Variants in GLG1 observed in about 807,000 individuals in gnomAD.
GLG1 encodes the protein golgi glycoprotein 1.
In GLG1, 38 loss-of-function variants were observed where a neutral mutation model predicts 160.5. The ratio of observed to expected loss-of-function variants is 0.24; its 90% CI spans 0.18 to 0.31. The LOEUF (loss-of-function observed/expected upper bound fraction) is 0.31, where lower values mean the gene tolerates loss of function less well. Ranked by LOEUF, GLG1 falls within the 10% of genes least tolerant of loss-of-function variation. The pLI is 1.00. For synonymous variants in GLG1, 644 were observed against 543.4 expected (o/e 1.19, Z -2.57); for missense variants, 1,373 against 1,505.2 (o/e 0.91, Z 1.45).
Position 74,448,505 on chromosome 16 carries a change from T to C in GLG1, c.*4662A>G, listed in dbSNP as rs778649713. The C allele has an allele frequency of 1.3e-5, 2 of 152,144 alleles. No homozygotes were observed. The highest frequency in any genetic ancestry group is 2.9e-5 in the Non-Finnish European group (2 of 68,020). 9.4% of individuals were successfully genotyped at this position (152,144 alleles called of 1,614,324 possible). On this transcript the variant is annotated 3_prime_UTR_variant, in exon 26 of 26. Coordinates refer to ENST00000422840, the MANE Select transcript of GLG1 (RefSeq NM_001145667.2). ...ACAAGTAAATATACCAAAATGCACA[T>C]AATTGAGGCCAAGGTGGGTGGACCA...
Position 74,477,306 on chromosome 16 carries a change from G to C in GLG1, c.1965+90C>G, listed in dbSNP as rs1412380968. The C allele has an allele frequency of 9.2e-6, 9 of 983,014 alleles. No homozygotes were observed. The African/African-American group carries it at 1.3e-4, about 14-fold the overall frequency. The allele number at this position is 983,014 out of a possible 1,614,324, so 60.9% of individuals were successfully genotyped here. A position where few individuals can be genotyped will look rare whatever the true frequency, so the allele number is the denominator to read the frequency against. On this transcript the variant is annotated intron_variant, in intron 12 of 25. Coordinates refer to ENST00000422840, the MANE Select transcript of GLG1 (RefSeq NM_001145667.2). ...AAATCACATCTGTAAGGTAAAGAGA[G>C]ATGGATTTTATGGTGTTTGTACTCT...
At chr16:74,476,215 T>A (rs2143281597) in intron 12 of GLG1, among the ~76,000 whole-genome samples, 1 of 152,230 alleles carries the variant, frequency 6.6e-6, no homozygotes, top group East Asian at 1.9e-4. Flanking sequence ...AAGTTTAGCT[T>A]CTCCATGACG....
rs1328625133 is a variant in GLG1 at position 74,509,741 on chromosome 16, C to T, written c.472-816G>A. Reference sequence around the variant, plus strand: ...GCAGGCGCCTGCAGTCCCAGCTACTCGGGAGACTGAGGCAGGAGAACGGCG... The same window carrying T: ...GCAGGCGCCTGCAGTCCCAGCTACTTGGGAGACTGAGGCAGGAGAACGGCG... On this transcript the variant is annotated intron_variant, in intron 2 of 25. Transcript: ENST00000422840. Among the ~76,000 whole-genome samples, 5 of 151,184 alleles carry T rather than the reference C, an allele frequency of 3.3e-5. No individual in the cohort carries two copies. The South Asian group carries it at 8.4e-4, about 25-fold the overall frequency.
At chr16:74,593,317 T>C (rs1412633137) in intron 1 of GLG1, among the ~76,000 whole-genome samples, 2 of 152,174 alleles carry the variant, frequency 1.3e-5, no homozygotes, top group African/African-American at 2.4e-5. Flanking sequence ...CTTCATGCTA[T>C]TTATCACATT....
At chr16:74,590,790 T>A (rs536880455) in intron 1 of GLG1, among the ~76,000 whole-genome samples, 1 of 121,714 alleles carries the variant, frequency 8.2e-6, no homozygotes, top group South Asian at 2.5e-4. Context: ...AGAGTGAAAC[T>A]GTCTCAAAAA....
chr16:74,599,958 C>T (rs569600972), intron 1 of GLG1, among the ~76,000 whole-genome samples: 4 of 151,914 alleles, frequency 2.6e-5, no homozygotes, highest in African/African-American at 7.2e-5. Flanking sequence ...CGCTTGAATA[C>T]AGGAGACAAA....
intron 1 of GLG1, among the ~76,000 whole-genome samples, chr16:74,595,696 C>T (rs993971882): frequency 2.0e-5 from 3 of 152,172 alleles, no homozygotes; most frequent in African/African-American, 7.2e-5. Flanking sequence ...TAGATCAGTG[C>T]TATTCATAAG....
At chr16:74,544,976 G>GA (rs2018005922) in intron 1 of GLG1, among the ~76,000 whole-genome samples, 1 of 151,200 alleles carries the variant, frequency 6.6e-6, no homozygotes, top group Non-Finnish European at 1.5e-5. Flanking sequence ...TCAAAAATAA[G>GA]AAAAAAATAC....
intron 1 of GLG1, among the ~76,000 whole-genome samples, chr16:74,586,542 A>G (rs1043354967): frequency 5.3e-5 from 8 of 151,786 alleles, no homozygotes; most frequent in African/African-American, 1.2e-4. Flanking sequence ...TGGCACAATC[A>G]TAACTCACTG....
At chr16:74,470,531 C>A (rs535052241) in intron 15 of GLG1, among the ~76,000 whole-genome samples, 1 of 149,842 alleles carries the variant, frequency 6.7e-6, no homozygotes, top group Non-Finnish European at 1.5e-5. Context: ...TCACTGCAAC[C>A]TCTGCCTCCC....
At chr16:74,492,007 A>C (rs2016012387) in intron 7 of GLG1, among the ~76,000 whole-genome samples, 1 of 152,058 alleles carries the variant, frequency 6.6e-6, no homozygotes, top group Non-Finnish European at 1.5e-5. Context: ...TTAGTGATAA[A>C]GCCAAAATTT....
intron 4 of GLG1, among the ~76,000 whole-genome samples, chr16:74,499,554 C>T (rs531588868): frequency 6.4e-4 from 97 of 152,350 alleles, no homozygotes; most frequent in African/African-American, 2.2e-3. Flanking sequence ...GGCTATACTA[C>T]ATAGCCTAGG....
chr16:74,491,202 G>A lies in GLG1; in HGVS notation c.1248C>T (p.Ser416=). 4 of 1,613,220 alleles carry A rather than the reference G, an allele frequency of 2.5e-6. No homozygotes were observed. The highest frequency in any genetic ancestry group is 2.5e-6 in the Non-Finnish European group (3 of 1,179,150). The change falls in exon 8 of 26, where the codon AGC becomes AGT. Residue 416 remains serine (S), a synonymous_variant. Transcript: ENST00000422840. ...CCAGCATCTCCCCCTGGCACTCACTGCTGACTTGTCGCCCTAAGTTAGGAT... is the reference window on the plus strand; with the variant it reads ...CCAGCATCTCCCCCTGGCACTCACTACTGACTTGTCGCCCTAAGTTAGGAT... ...ESAVHRGRQV[S]SECQGEMLDY...
At chr16:74,530,189 T>G (rs557171576) in intron 2 of GLG1, among the ~76,000 whole-genome samples, 1 of 152,228 alleles carries the variant, frequency 6.6e-6, no homozygotes, top group Non-Finnish European at 1.5e-5. Flanking sequence ...ATTTTGAGGT[T>G]TTCCCCTAAT....
chr16:74,475,188 T>G (rs2015355136), intron 12 of GLG1, among the ~76,000 whole-genome samples: 1 of 144,254 alleles, frequency 6.9e-6, no homozygotes, highest in African/African-American at 2.5e-5. Context: ...AAAAGAGCTG[T>G]GCAAATCCCT....
intron 1 of GLG1, among the ~76,000 whole-genome samples, chr16:74,532,811 A>G (rs1030692091): frequency 2.0e-5 from 3 of 152,180 alleles, no homozygotes; most frequent in African/African-American, 7.2e-5. Context: ...ACAGATGTGA[A>G]TTACCGTTCC....
chr16:74,558,429 T>C (rs1348228279), intron 1 of GLG1, among the ~76,000 whole-genome samples: 1 of 152,238 alleles, frequency 6.6e-6, no homozygotes, highest in East Asian at 1.9e-4. Flanking sequence ...TGTGCACAAA[T>C]GTTTGAACTG....
intron 2 of GLG1, among the ~76,000 whole-genome samples, chr16:74,528,109 T>C (rs1047004490): frequency 1.3e-5 from 2 of 151,898 alleles, no homozygotes; most frequent in African/African-American, 2.4e-5. Flanking sequence ...ATGGTCTCGA[T>C]CTCCTGACCT....
chr16:74,485,793 T>C lies in GLG1; in HGVS notation c.1571+3A>G, dbSNP rs1228222116. 1.2e-6 allele frequency: 2 copies of C among 1,611,582 alleles called. No homozygotes were observed. Among genetic ancestry groups the C allele is most frequent in the South Asian group, 1.1e-5 (1 of 90,754 alleles). On this transcript the variant is annotated splice_donor_region_variant and intron_variant, in intron 9 of 25. Coordinates refer to ENST00000422840, the MANE Select transcript of GLG1 (RefSeq NM_001145667.2). ...GATAAATACCATGGAGAAGATAACT[T>C]ACATTGGGTCTCCAGATCTTATATG... is the stretch of plus-strand genomic sequence containing the variant.
Sources: gnomAD v4.1 joint callset for allele counts (sites outside exome capture counted in the v4.1 genomes callset) on GRCh38, gnomAD v4.1.1 for gene constraint, MANE v1.5 for transcripts, NCBI Gene and HGNC (gene_info 2026-07-23, HGNC 2026-07-21) for gene names.